TGFB3: variants seen among roughly 807,000 people sequenced by gnomAD.
The protein encoded by TGFB3 is transforming growth factor beta 3.
Under a neutral mutation model 40.1 loss-of-function variants are expected in TGFB3, and 5 were observed. That is an observed-to-expected ratio of 0.12 (90% confidence interval 0.07 to 0.26). TGFB3 has a LOEUF of 0.26. TGFB3 is among the 10% of genes least tolerant of loss of function. The probability of loss-of-function intolerance (pLI) is 1.00; values close to 1 mark genes in which losing one functional copy is unlikely to be tolerated. For synonymous variants in TGFB3, 184 were observed against 205.6 expected (o/e 0.89, Z 0.90); for missense variants, 373 against 530.1 (o/e 0.70, Z 2.91).
chr14:75,965,450 C>A, intron 4 of TGFB3, 138 bp downstream of exon 4: 4 of 741,362 alleles, frequency 5.4e-6, no homozygotes, highest in Non-Finnish European at 9.6e-6. Context: ...CAGAATTACT[C>A]AAGTACAAAA....
upstream of TGFB3, among the ~76,000 whole-genome samples, chr14:75,982,243 T>C (rs2035444802): frequency 6.6e-6 from 1 of 152,224 alleles, no homozygotes; most frequent in Non-Finnish European, 1.5e-5. The surrounding 1 kb of genome is among the most constrained non-coding windows in gnomAD (Gnocchi z 4.0). Flanking sequence ...TCTGGAAAGT[T>C]ACTCCGATGA....
In TGFB3 at chr14:75,980,473, C is replaced by G. The variant is rs1428611260; in HGVS notation, c.352+69G>C. The G allele has an allele frequency of 7.3e-6, 11 of 1,515,448 alleles. No homozygotes were observed. The South Asian group carries it at 1.2e-4, about 17-fold the overall frequency. The allele number at this position is 1,515,448 out of a possible 1,614,324, so 93.9% of individuals were successfully genotyped here. Reference sequence around the variant, plus strand: ...TGCTGTGTGGCCAGCACTAGGCCCCCCTCTGCAGAGCTCCCAGCTCCAGTT... The same window carrying G: ...TGCTGTGTGGCCAGCACTAGGCCCCGCTCTGCAGAGCTCCCAGCTCCAGTT... On this transcript the variant is annotated intron_variant, in intron 1 of 6. Transcript: ENST00000238682. The surrounding 1 kb of genome is among the most constrained non-coding windows in gnomAD (Gnocchi z 4.3).
rs1418317779 is a variant in TGFB3 at position 75,980,567 on chromosome 14, G to T, written c.327C>A (p.Asp109Glu). The T allele has an allele frequency of 1.2e-6, 2 of 1,614,134 alleles. No individual in the cohort carries two copies. The highest frequency in any genetic ancestry group is 3.3e-5 in the Admixed American group (2 of 60,010). ...TGTGCTCCGCCAGCCCCTGGATCAT[G>T]TCGAATTTATGGATTTCTTTGGCAT... is the stretch of plus-strand genomic sequence containing the variant. ...EYYAKEIHKF[D>E]MIQGLAEHNE... is the part of the protein sequence containing the mutation. Residue 109 changes from aspartate (D) to glutamate (E), a missense_variant, in exon 1 of 7, where the codon GAC becomes GAA. Asp to Glu is a conservative substitution (Grantham distance 45, BLOSUM62 2). Coordinates refer to ENST00000238682, the MANE Select transcript of TGFB3 (RefSeq NM_003239.5). The surrounding 1 kb of genome is among the most constrained non-coding windows in gnomAD (Gnocchi z 4.3).
chr14:75,982,413 C>G (rs1327634016), upstream of TGFB3, among the ~76,000 whole-genome samples: 1 of 152,142 alleles, frequency 6.6e-6, no homozygotes, highest in African/African-American at 2.4e-5. This position sits in a 1 kb window ranked among gnomAD's most constrained non-coding sequence, Gnocchi z 4.0. Flanking sequence ...GCGCGGGACC[C>G]GGTAGGGGCG....
Position 75,981,033 on chromosome 14 carries a change from C to A in TGFB3, c.-140G>T. 1 of 758,636 alleles carries A rather than the reference C, an allele frequency of 1.3e-6. No homozygotes were observed. Among genetic ancestry groups the A allele is most frequent in the Non-Finnish European group, 2.3e-6 (1 of 438,156 alleles). The allele number at this position is 758,636 out of a possible 1,614,324, so 47.0% of individuals were successfully genotyped here. ...GAGGCTTGGCAAGAAGGTGCATGAACTCACTGCACTGCGAGAGCTTCAGGA... is the reference window on the plus strand; with the variant it reads ...GAGGCTTGGCAAGAAGGTGCATGAAATCACTGCACTGCGAGAGCTTCAGGA... On this transcript the variant is annotated 5_prime_UTR_variant, in exon 1 of 7. Transcript: ENST00000238682. The surrounding 1 kb of genome is among the most constrained non-coding windows in gnomAD (Gnocchi z 4.7).
intron 6 of TGFB3, 112 bp from the exon 7 acceptor site, chr14:75,959,457 C>T: frequency 7.7e-7 from 1 of 1,292,130 alleles, no homozygotes. Flanking sequence ...GCTAGAATGG[C>T]CACGGGTGCT....
At chr14:75,966,441 G>C (rs3917186) in intron 3 of TGFB3, 11,578 of 152,676 alleles carry the variant, frequency 0.076, 495 homozygotes, top group African/African-American at 0.11. Flanking sequence ...GACACAACGA[G>C]GTAAAAATTA....
At chr14:75,973,047 G>T (rs928348476) in intron 1 of TGFB3, among the ~76,000 whole-genome samples, 5 of 152,238 alleles carry the variant, frequency 3.3e-5, no homozygotes, top group African/African-American at 1.2e-4. Flanking sequence ...CAGAGAAAGA[G>T]AAAGAGCCTG....
intron 3 of TGFB3, 33 bp from the exon 4 acceptor site, chr14:75,965,728 A>T (rs760792321): frequency 9.5e-6 from 15 of 1,573,866 alleles, no homozygotes; most frequent in Non-Finnish European, 1.3e-5. Flanking sequence ...TGAGAAAAGC[A>T]CCTCTGTGTG....
chr14:75,963,363 C>G lies in TGFB3; in HGVS notation c.879G>C (p.Gln293His). 2 of 1,614,230 alleles carry G rather than the reference C, an allele frequency of 1.2e-6. No individual in the cohort carries two copies. The highest frequency in any genetic ancestry group is 1.7e-6 in the Non-Finnish European group (2 of 1,180,040). Residue 293 changes from glutamine (Q) to histidine (H), a missense_variant, in exon 5 of 7, where the codon CAG (glutamine) becomes CAC (histidine). By Grantham distance (24) the Gln-to-His change is conservative. Transcript: ENST00000238682. ...IPPHRLDNPG[Q>H]GGQRKKRALD... ...AAGCCCGCTTCTTCCTCTGACCCCC[C>G]TGGCCCGGGTTGTCGAGCCGGTGTG...
intron 1 of TGFB3, among the ~76,000 whole-genome samples, chr14:75,975,484 GGAAT>G (rs2035343376): frequency 2.0e-5 from 3 of 152,286 alleles, no homozygotes; most frequent in African/African-American, 7.2e-5. Flanking sequence ...AGTAATCTGT[GGAAT>G]GAATCATCGT....
At chr14:75,976,488 A>G (rs556958982) in intron 1 of TGFB3, among the ~76,000 whole-genome samples, 1 of 152,356 alleles carries the variant, frequency 6.6e-6, no homozygotes, top group African/African-American at 2.4e-5. Flanking sequence ...TGAATTAGAC[A>G]TGTTGTTTCG....
rs749589453 is a variant in TGFB3, at chr14:75,958,906, C to T, written c.*281G>A. On this transcript the variant is annotated 3_prime_UTR_variant, in exon 7 of 7. Transcript: ENST00000238682. ...CAACATCTCAACTTACCATCCCTTTCCTCTATCCCCATCCCCTCTGTCTGC... is the reference window on the plus strand; with the variant it reads ...CAACATCTCAACTTACCATCCCTTTTCTCTATCCCCATCCCCTCTGTCTGC... 2.7e-4 allele frequency: 118 copies of T among 435,990 alleles called. No individual in the cohort carries two copies. The highest frequency in any genetic ancestry group is 1.5e-4 in the Non-Finnish European group (36 of 232,564). 27.0% of individuals were successfully genotyped at this position (435,990 alleles called of 1,614,324 possible).
chr14:75,964,455 C>T (rs2035196971), intron 4 of TGFB3, among the ~76,000 whole-genome samples: 1 of 151,956 alleles, frequency 6.6e-6, no homozygotes, highest in African/African-American at 2.4e-5. Flanking sequence ...ATTCATCAAC[C>T]CGTTTCATCT....
Position 75,971,747 on chromosome 14 carries a change from A to G in TGFB3, c.353-29T>C. On this transcript the variant is annotated intron_variant, in intron 1 of 6. Transcript: ENST00000238682. This position sits in a 1 kb window ranked among gnomAD's most constrained non-coding sequence, Gnocchi z 4.5. Reference sequence around the variant, plus strand: ...GGAGATAAAGCAGAGCAGAGGGCACAGCATGAGCGAGACATGCAGGAACAG... The same window carrying G: ...GGAGATAAAGCAGAGCAGAGGGCACGGCATGAGCGAGACATGCAGGAACAG... 1 of 1,613,208 alleles carries G rather than the reference A, an allele frequency of 6.2e-7. No individual in the cohort carries two copies. The highest frequency in any genetic ancestry group is 2.2e-5 in the East Asian group (1 of 44,872).
At chr14:75,973,502 A>T (rs1290502441) in intron 1 of TGFB3, among the ~76,000 whole-genome samples, 2 of 152,266 alleles carry the variant, frequency 1.3e-5, no homozygotes, top group Non-Finnish European at 2.9e-5. Context: ...AAGGAGAGAA[A>T]TCAGTGATAG....
rs1176076949 is a variant in TGFB3 at position 75,979,259 on chromosome 14, G to A, written c.352+1283C>T. 6.6e-6 allele frequency among the ~76,000 whole-genome samples: 1 copy of A among 152,110 alleles called. No homozygotes were observed. Among genetic ancestry groups the A allele is most frequent in the Non-Finnish European group, 1.5e-5 (1 of 68,006 alleles). Reference sequence around the variant, plus strand: ...GCCTTTGCACCTCCAGCCAGAGCTGGTCCACCCATCGGTACCCACTCCTGT... The same window carrying A: ...GCCTTTGCACCTCCAGCCAGAGCTGATCCACCCATCGGTACCCACTCCTGT... On this transcript the variant is annotated intron_variant, in intron 1 of 6. Transcript: ENST00000238682. This position sits in a 1 kb window ranked among gnomAD's most constrained non-coding sequence, Gnocchi z 4.8.
At chr14:75,965,125 G>A (rs576298676) in intron 4 of TGFB3, among the ~76,000 whole-genome samples, 6 of 152,328 alleles carry the variant, frequency 3.9e-5, no homozygotes, top group African/African-American at 1.4e-4. Context: ...GCAAGGTCAG[G>A]TAGGCCCTGC....
intron 1 of TGFB3, among the ~76,000 whole-genome samples, chr14:75,977,346 A>G (rs1329499035): frequency 6.6e-6 from 1 of 152,314 alleles, no homozygotes; most frequent in Non-Finnish European, 1.5e-5. Flanking sequence ...TTCCCATCAC[A>G]TGGGGTCAGA....
Sources: gnomAD v4.1 joint callset for allele counts (sites outside exome capture counted in the v4.1 genomes callset) on GRCh38, gnomAD v4.1.1 for gene constraint, Gnocchi (gnomAD v3.1) non-coding constraint, MANE v1.5 for transcripts, NCBI Gene and HGNC (gene_info 2026-07-23, HGNC 2026-07-21) for gene names.